The following CCDC25 variants were observed in gnomAD, a reference collection of about 807,000 sequenced individuals.
CCDC25 encodes coiled-coil domain containing 25.
Under a neutral mutation model 35.3 loss-of-function variants are expected in CCDC25, and 16 were observed. The observed-to-expected ratio is 0.45, with a 90% CI of 0.31 to 0.69. The LOEUF is 0.69. Among genes scored for constraint, CCDC25 ranks in the 30% least tolerant of loss-of-function variants. CCDC25 has a pLI of 0.06. For missense variants in CCDC25, 179 were observed against 250.7 expected, an observed-to-expected ratio of 0.71 and a Z score of 1.93; for synonymous variants, 79 against 80.3, an observed-to-expected ratio of 0.98 and a Z score of 0.09.
intron 5 of CCDC25, 107 bp from the exon 6 acceptor site, chr8:27,748,705 C>G: frequency 1.3e-6 from 1 of 777,064 alleles, no homozygotes; most frequent in South Asian, 1.6e-5. Flanking sequence ...CGGCTTAGAA[C>G]GAACAGGCCA....
chr8:27,771,058 A>G (rs1804593472), intron 1 of CCDC25, among the ~76,000 whole-genome samples: 2 of 152,170 alleles, frequency 1.3e-5, no homozygotes, highest in Non-Finnish European at 1.5e-5. Context: ...TGGTCCCATA[A>G]CATTATAACG....
At chr8:27,747,816 C>G in intron 7 of CCDC25, 2 of 466,750 alleles carry the variant, frequency 4.3e-6, no homozygotes, top group Non-Finnish European at 7.6e-6. Context: ...TAGGGATAAC[C>G]TATGAAGGTT....
intron 3 of CCDC25, among the ~76,000 whole-genome samples, chr8:27,761,884 G>A (rs1211331023): frequency 6.6e-6 from 1 of 152,086 alleles, no homozygotes; most frequent in Admixed American, 6.6e-5. Context: ...CTCAAAAGGA[G>A]ACTAAGAAAG....
chr8:27,765,591 G>A (rs1054055205), intron 1 of CCDC25, among the ~76,000 whole-genome samples: 8 of 150,856 alleles, frequency 5.3e-5, no homozygotes, highest in Admixed American at 2.0e-4. Context: ...CAATGGTATC[G>A]CCAGTCCAGT....
rs1563447215 is a variant in CCDC25, at chr8:27,747,886, C to T, written c.551+191G>A. On this transcript the variant is annotated intron_variant, in intron 7 of 8. Transcript: ENST00000356537. ...CACTTTCATATCCTGCTGCCATAAA[C>T]AAGCAATTCTTTTAACCAACACATT... The T allele has an allele frequency of 3.7e-5, 22 of 593,714 alleles. 1 individual carries two copies. In the East Asian group the frequency reaches 6.2e-4, roughly 17 times the overall value. 36.8% of individuals were successfully genotyped at this position (593,714 alleles called of 1,614,324 possible).
chr8:27,762,462 C>A lies in CCDC25; in HGVS notation c.77-4G>T, dbSNP rs559613285. The A allele has an allele frequency of 1.2e-6, 2 of 1,612,706 alleles. No homozygotes were observed. The highest frequency in any genetic ancestry group is 2.2e-5 in the East Asian group (1 of 44,792). ...CCATGCTTGATCAGATCTTCATCTG[C>A]AATGAGATATGAGAAACGAAAGAAA... is the stretch of plus-strand genomic sequence containing the variant. On this transcript the variant is annotated splice_polypyrimidine_tract_variant and splice_region_variant and intron_variant, in intron 2 of 8. Coordinates refer to ENST00000356537, the MANE Select transcript of CCDC25 (RefSeq NM_018246.3).
chr8:27,754,110 T>C (rs1344358240), intron 4 of CCDC25, among the ~76,000 whole-genome samples: 1 of 152,074 alleles, frequency 6.6e-6, no homozygotes, highest in Non-Finnish European at 1.5e-5. Context: ...AGGAAATCCA[T>C]TCCTAAGAAT....
intron 5 of CCDC25, among the ~76,000 whole-genome samples, chr8:27,750,316 T>C (rs1310174663): frequency 6.6e-6 from 1 of 152,242 alleles, no homozygotes; most frequent in East Asian, 1.9e-4. Flanking sequence ...TACTGCACTT[T>C]AGACCTCTAA....
intron 2 of CCDC25, among the ~76,000 whole-genome samples, chr8:27,762,726 T>C (rs1348853788): frequency 1.3e-5 from 2 of 152,096 alleles, no homozygotes; most frequent in Admixed American, 6.5e-5. Flanking sequence ...ATAATAAAAC[T>C]AACACTGACA....
At chr8:27,736,662 T>A (rs777012048) in intron 8 of CCDC25, among the ~76,000 whole-genome samples, 2 of 152,254 alleles carry the variant, frequency 1.3e-5, no homozygotes, top group Non-Finnish European at 2.9e-5. Flanking sequence ...GTTCCAGTAA[T>A]TTGAGCCTCA....
chr8:27,743,275 C>T (rs1803499672), intron 7 of CCDC25, among the ~76,000 whole-genome samples: 2 of 152,234 alleles, frequency 1.3e-5, no homozygotes, highest in African/African-American at 4.8e-5. Context: ...TTAACCTAGT[C>T]ACACCCACTC....
intron 1 of CCDC25, among the ~76,000 whole-genome samples, chr8:27,766,854 A>G (rs1295916493): frequency 6.6e-6 from 1 of 152,240 alleles, no homozygotes; most frequent in Non-Finnish European, 1.5e-5. Context: ...GAAATTAAAT[A>G]TCCGAACAGT....
Position 27,748,070 on chromosome 8 carries a change from G to T in CCDC25, c.551+7C>A, listed in dbSNP as rs369502557. 2 of 1,610,658 alleles carry T rather than the reference G, an allele frequency of 1.2e-6. No homozygotes were observed. Among genetic ancestry groups the T allele is most frequent in the African/African-American group, 2.7e-5 (2 of 74,702 alleles). ...AGGTCAGTCTCAATGCCACAGCTCC[G>T]ACATACCTAAGTTCATCCATTTCCC... On this transcript the variant is annotated splice_region_variant and intron_variant, in intron 7 of 8. Transcript: ENST00000356537.
intron 3 of CCDC25, among the ~76,000 whole-genome samples, chr8:27,758,933 T>C (rs76943908): frequency 0.045 from 6,780 of 152,232 alleles, 225 homozygotes; most frequent in African/African-American, 0.095. Context: ...TTGTATATGA[T>C]AGATACACCT....
chr8:27,748,644 GCAATGTGTTCCC>G (rs752085662), intron 5 of CCDC25, 46 bp from the exon 6 acceptor site: 20 of 1,401,904 alleles, frequency 1.4e-5, no homozygotes, highest in Non-Finnish European at 1.7e-5. Flanking sequence ...ATGAGACTGA[GCAATGTGTTCCC>G]TTACCCACTG....
intron 7 of CCDC25, among the ~76,000 whole-genome samples, chr8:27,744,391 T>A (rs977497231): frequency 3.3e-5 from 5 of 152,172 alleles, no homozygotes; most frequent in African/African-American, 1.2e-4. Flanking sequence ...ATTGCTTCCC[T>A]GAAGGACCTC....
At chr8:27,755,678 G>C (rs759267135) in intron 4 of CCDC25, among the ~76,000 whole-genome samples, 9 of 152,180 alleles carry the variant, frequency 5.9e-5, no homozygotes, top group South Asian at 2.1e-4. Context: ...TCAATGATAA[G>C]TCACGGTAAT....
intron 4 of CCDC25, among the ~76,000 whole-genome samples, chr8:27,754,038 AATACTTT>A (rs1205330581): frequency 5.3e-5 from 8 of 152,256 alleles, no homozygotes; most frequent in African/African-American, 1.9e-4. Flanking sequence ...CATTTTAAAC[AATACTTT>A]CAGAGGGCAA....
intron 4 of CCDC25, among the ~76,000 whole-genome samples, chr8:27,755,463 A>T (rs193281854): frequency 4.7e-4 from 72 of 152,308 alleles, no homozygotes; most frequent in African/African-American, 1.7e-3. Context: ...AAAAGAGACA[A>T]ATGTTCCTTC....
Sources: allele counts gnomAD v4.1 joint callset (sites outside exome capture counted in the v4.1 genomes callset), GRCh38; gene constraint gnomAD v4.1.1; transcripts MANE v1.5; gene names NCBI Gene and HGNC (gene_info 2026-07-23, HGNC 2026-07-21).